ARHGEF11: variants seen among roughly 807,000 people sequenced by gnomAD.
ARHGEF11 encodes the protein Rho guanine nucleotide exchange factor 11.
Under a neutral mutation model 193.7 loss-of-function variants are expected in ARHGEF11, and 55 were observed. The ratio of observed to expected loss-of-function variants is 0.28; its 90% confidence interval spans 0.23 to 0.36. ARHGEF11 has a LOEUF of 0.36. Among genes scored for constraint, ARHGEF11 ranks in the 10% least tolerant of loss-of-function variants. The pLI is 1.00. For synonymous variants in ARHGEF11, 693 were observed against 768.0 expected (o/e 0.90, Z 1.62); for missense variants, 1,723 against 2,005.6 (o/e 0.86, Z 2.69).
intron 1 of ARHGEF11, among the ~76,000 whole-genome samples, chr1:157,008,658 C>G (rs961973365): frequency 6.6e-6 from 1 of 152,184 alleles, no homozygotes; most frequent in Non-Finnish European, 1.5e-5. Flanking sequence ...GAACTAGAAC[C>G]CAGGGCTCCT....
chr1:157,032,738 C>T (rs1304434629), intron 1 of ARHGEF11, among the ~76,000 whole-genome samples: 1 of 152,174 alleles, frequency 6.6e-6, no homozygotes, highest in Non-Finnish European at 1.5e-5. Context: ...AAACTGGCTC[C>T]TTCCCTTGCT....
chr1:156,993,890 G>A (rs1400886408), intron 1 of ARHGEF11, among the ~76,000 whole-genome samples: 1 of 152,120 alleles, frequency 6.6e-6, no homozygotes, highest in African/African-American at 2.4e-5. Context: ...CTCTGGCAGT[G>A]CACCAGAGAA....
chr1:156,948,528 C>T lies in ARHGEF11; in HGVS notation c.1926-30G>A, dbSNP rs762187009. The T allele has an allele frequency of 6.2e-7, 1 of 1,614,146 alleles. No homozygotes were observed. The highest frequency in any genetic ancestry group is 8.5e-7 in the Non-Finnish European group (1 of 1,180,002). ...GGGGAAGGGACAAAAGACTTTGGGA[C>T]TTGGGAAGTCAGTGGGCCATGCTTA... On this transcript the variant is annotated intron_variant, in intron 22 of 40. Coordinates refer to ENST00000368194, the MANE Select transcript of ARHGEF11 (RefSeq NM_198236.3). The surrounding 1 kb of genome is among the most constrained non-coding windows in gnomAD (Gnocchi z 4.2).
In ARHGEF11 at chr1:156,957,794, C is replaced by G; in HGVS notation, c.1524G>C (p.Arg508Ser). The G allele has an allele frequency of 6.2e-7, 1 of 1,614,184 alleles. No individual in the cohort carries two copies. The highest frequency in any genetic ancestry group is 8.5e-7 in the Non-Finnish European group (1 of 1,180,000). The change falls in exon 18 of 41, where the codon AGG (arginine) becomes AGC (serine). Residue 508 changes from arginine to serine, a missense_variant and splice_region_variant. By Grantham distance (110) the Arg-to-Ser change is moderately radical (BLOSUM62 -1). This residue lies in a region of ARHGEF11 where 646 missense variants were observed against 710.7 expected (regional missense o/e 0.91). Coordinates refer to ENST00000368194, the MANE Select transcript of ARHGEF11 (RefSeq NM_198236.3). ...GDILSKYEED[R>S]SAPMDFALNT... is the part of the protein sequence containing the mutation. ...ATCCACATCATAGACTTGCTTACCT[C>G]CTGTCTTCCTCATACTTGGACCTGG...
intron 38 of ARHGEF11, among the ~76,000 whole-genome samples, chr1:156,937,860 C>CT (rs1655828071): frequency 6.6e-6 from 1 of 152,216 alleles, no homozygotes; most frequent in Non-Finnish European, 1.5e-5. Flanking sequence ...CAGCAGCCCT[C>CT]TTGCCCTGCC....
rs777990985 is a variant in ARHGEF11, at chr1:156,936,782, T to C, written c.4630+34A>G. 2.5e-6 allele frequency: 4 copies of C among 1,593,258 alleles called. No homozygotes were observed. In the Admixed American group the frequency reaches 6.9e-5, roughly 27 times the overall value. On this transcript the variant is annotated intron_variant, in intron 40 of 40. Coordinates refer to ENST00000368194, the MANE Select transcript of ARHGEF11 (RefSeq NM_198236.3). ...ACGAGTTGGCAGACTTCTCCCCCAA[T>C]GGTAGGAACCGAGAGGGACCTGGCT...
At chr1:156,964,556 C>T (rs1321091515) in intron 11 of ARHGEF11, among the ~76,000 whole-genome samples, 1 of 152,192 alleles carries the variant, frequency 6.6e-6, no homozygotes, top group East Asian at 1.9e-4. Flanking sequence ...CTCTCTGATG[C>T]TCCTCACCCC....
chr1:156,967,833 C>A, intron 11 of ARHGEF11, 154 bp downstream of exon 11: 1 of 907,326 alleles, frequency 1.1e-6, no homozygotes, highest in Non-Finnish European at 1.7e-6. Flanking sequence ...TCTTTCTTTA[C>A]TATTTGCTCT....
At position 156,937,025 on chromosome 1, in the gene ARHGEF11, A is replaced by G; in HGVS notation, c.4441-20T>C. The G allele has an allele frequency of 5.0e-6, 8 of 1,608,362 alleles. No individual in the cohort carries two copies. The highest frequency in any genetic ancestry group is 6.8e-6 in the Non-Finnish European group (8 of 1,175,874). On this transcript the variant is annotated intron_variant, in intron 39 of 40. Coordinates refer to ENST00000368194, the MANE Select transcript of ARHGEF11 (RefSeq NM_198236.3). ...CATATCCTGGAAGAGTCGGCGGGGG[A>G]ATGTCTGCTCGAGTCCTTCTATTCC... is the stretch of plus-strand genomic sequence containing the variant.
At chr1:156,956,671 G>A in intron 18 of ARHGEF11, 107 bp from the exon 19 acceptor site, 1 of 1,491,260 alleles carries the variant, frequency 6.7e-7, no homozygotes, top group African/African-American at 1.4e-5. Context: ...GTAGTTACAG[G>A]TGAAAGTATT....
intron 1 of ARHGEF11, among the ~76,000 whole-genome samples, chr1:156,995,242 C>T (rs1392219238): frequency 6.6e-6 from 1 of 152,204 alleles, no homozygotes; most frequent in African/African-American, 2.4e-5. Flanking sequence ...TACACCCTTC[C>T]GTGGTTTCCC....
At chr1:156,952,498 G>A (rs1659266225) in intron 21 of ARHGEF11, among the ~76,000 whole-genome samples, 1 of 152,186 alleles carries the variant, frequency 6.6e-6, no homozygotes, top group Non-Finnish European at 1.5e-5. Context: ...ACAGGGGTGG[G>A]CTAGAAATGC....
intron 25 of ARHGEF11, 22 bp from the exon 26 acceptor site, chr1:156,947,472 G>C (rs1658355247): frequency 3.2e-6 from 5 of 1,574,036 alleles, no homozygotes; most frequent in Non-Finnish European, 4.3e-6. Flanking sequence ...TTGTGACAAG[G>C]AGGGTAGAAA....
chr1:157,017,706 C>CAA lies in ARHGEF11; in HGVS notation c.32+26591_32+26592dup, dbSNP rs1047573559. ...TGGGCAACAGAGTGAGACTCCGTCT[C>CAA]AAAAAAAAAAAAAAAAAAAAAAAAA... is the stretch of plus-strand genomic sequence containing the variant. On this transcript the variant is annotated intron_variant, in intron 1 of 40. Transcript: ENST00000368194. Among the ~76,000 whole-genome samples the CAA allele has an allele frequency of 9.8e-3, 404 of 41,102 alleles. 9 individuals carry two copies. The highest frequency in any genetic ancestry group is 0.012 in the Middle Eastern group (1 of 84). The allele number at this position is 41,102 out of a possible 152,430, so 27.0% of individuals were successfully genotyped here.
chr1:156,995,285 A>ATCACG (rs1666324774), intron 1 of ARHGEF11, among the ~76,000 whole-genome samples: 1 of 152,196 alleles, frequency 6.6e-6, no homozygotes, highest in African/African-American at 2.4e-5. Context: ...AATCCTGCAC[A>ATCACG]TGGCTAGCAG....
At position 156,951,418 on chromosome 1, in the gene ARHGEF11, T is replaced by C. The variant is rs569337432; in HGVS notation, c.1925+155A>G. On this transcript the variant is annotated intron_variant, in intron 22 of 40. Coordinates refer to ENST00000368194, the MANE Select transcript of ARHGEF11 (RefSeq NM_198236.3). ...GGCCTGTTCACTGGCACACAATGTG[T>C]CTCCTGAAGATACTGGGGGTGGGGA... 3.3e-3 allele frequency among the ~76,000 whole-genome samples: 506 copies of C among 152,182 alleles called. 1 individual carries two copies. Among genetic ancestry groups the C allele is most frequent in the Middle Eastern group, 0.014 (4 of 294 alleles).
rs1252918488 is a variant in ARHGEF11 at position 156,969,301 on chromosome 1, C to T, written c.806G>A (p.Arg269His). 6 of 1,605,258 alleles carry T rather than the reference C, an allele frequency of 3.7e-6. No individual in the cohort carries two copies. Among genetic ancestry groups the T allele is most frequent in the African/African-American group, 2.7e-5 (2 of 74,844 alleles). Reference protein sequence around the residue: ...GDSGLDSGTERFPSLSESLMN... With the variant: ...GDSGLDSGTEHFPSLSESLMN... ...ACTCACCTCACTGAGGGAAGGAAAG[C>T]GTTCTGTCCCAGAGTCCAAGCCACT... The change falls in exon 10 of 41, where the codon CGC becomes CAC. Residue 269 changes from arginine to histidine, a missense_variant. Arg to His is a conservative substitution (Grantham distance 29, BLOSUM62 0). Coordinates refer to ENST00000368194, the MANE Select transcript of ARHGEF11 (RefSeq NM_198236.3).
At chr1:156,995,705 T>A (rs1230840061) in intron 1 of ARHGEF11, among the ~76,000 whole-genome samples, 3 of 88,154 alleles carry the variant, frequency 3.4e-5, no homozygotes, top group Non-Finnish European at 7.6e-5. Flanking sequence ...GCCCAGCTTG[T>A]TTTTTTTTTT....
In ARHGEF11 at chr1:156,959,056, G is replaced by A; in HGVS notation, c.1369C>T (p.His457Tyr). ...AAMPEIQEQI[H>Y]DYRTKRTLGL... ...AGCTCCTGGGCCAACCTGTAGTCGT[G>A]GATCTGCTCTTGGATCTCAGGCATG... The change falls in exon 16 of 41, where the codon CAC becomes TAC. Residue 457 changes from histidine to tyrosine, a missense_variant. Physicochemically the swap from His to Tyr is moderately conservative, Grantham distance 83. Around this residue, in one of 5 missense-constraint regions of ARHGEF11, gnomAD observed 646 missense variants for 710.7 expected, o/e 0.91. Coordinates refer to ENST00000368194, the MANE Select transcript of ARHGEF11 (RefSeq NM_198236.3). 1 of 1,614,244 alleles carries A rather than the reference G, an allele frequency of 6.2e-7. No individual in the cohort carries two copies. Among genetic ancestry groups the A allele is most frequent in the African/African-American group, 1.3e-5 (1 of 75,068 alleles).
Sources: gnomAD v4.1 joint callset for allele counts (sites outside exome capture counted in the v4.1 genomes callset) on GRCh38, gnomAD v4.1.1 for gene constraint, gnomAD v4.1.1 regional missense constraint, Gnocchi (gnomAD v3.1) non-coding constraint, MANE v1.5 for transcripts, NCBI Gene and HGNC (gene_info 2026-07-23, HGNC 2026-07-21) for gene names.